The following WWOX variants were observed in gnomAD, a reference collection of about 807,000 sequenced individuals.
The protein encoded by WWOX is WW domain containing oxidoreductase.
Under a neutral mutation model 46.2 loss-of-function variants are expected in WWOX, and 69 were observed. The observed-to-expected ratio is 1.49, with a 90% CI of 1.23 to 1.82. The LOEUF is 1.82. Among genes scored for constraint, WWOX ranks in the 40% most tolerant of loss-of-function variants. The probability of loss-of-function intolerance (pLI) is 0.00; values close to 1 mark genes in which losing one functional copy is unlikely to be tolerated. For synonymous variants in WWOX, 359 were observed against 202.6 expected, an observed-to-expected ratio of 1.77 and a Z score of -6.56; for missense variants, 919 against 542.6, an observed-to-expected ratio of 1.69 and a Z score of -6.89.
chr16:78,832,455 G>A (rs998412019), intron 8 of WWOX, among the ~76,000 whole-genome samples: 1 of 152,160 alleles, frequency 6.6e-6, no homozygotes, highest in Non-Finnish European at 1.5e-5. Context: ...AGTTAGGAGA[G>A]GGGAACCTGG....
At chr16:78,669,720 A>G (rs1470278682) in intron 8 of WWOX, among the ~76,000 whole-genome samples, 1 of 152,218 alleles carries the variant, frequency 6.6e-6, no homozygotes, top group East Asian at 1.9e-4. Flanking sequence ...TCATTGGATA[A>G]TTGCCTTTCA....
chr16:79,128,789 G>A (rs192283385), intron 8 of WWOX, among the ~76,000 whole-genome samples: 25 of 152,266 alleles, frequency 1.6e-4, no homozygotes, highest in Admixed American at 3.9e-4. Context: ...AGCCGGGGGC[G>A]GAGGCTAGGT....
At chr16:79,128,785 G>A (rs999632352) in intron 8 of WWOX, among the ~76,000 whole-genome samples, 2 of 152,182 alleles carry the variant, frequency 1.3e-5, no homozygotes, top group African/African-American at 4.8e-5. Context: ...ACAGAGCCGG[G>A]GGCGGAGGCT....
At chr16:79,040,397 C>T (rs868439837) in intron 8 of WWOX, among the ~76,000 whole-genome samples, 9 of 151,660 alleles carry the variant, frequency 5.9e-5, no homozygotes, top group African/African-American at 2.2e-4. Context: ...GCCTCAGCCT[C>T]ATGAGCAGCT....
intron 8 of WWOX, among the ~76,000 whole-genome samples, chr16:79,189,133 C>T (rs992248444): frequency 6.6e-6 from 1 of 152,146 alleles, no homozygotes. Flanking sequence ...GATGGTATTG[C>T]CCCTGGGACA....
At chr16:78,376,064 G>T (rs1320864153) in intron 5 of WWOX, among the ~76,000 whole-genome samples, 1 of 152,088 alleles carries the variant, frequency 6.6e-6, no homozygotes, top group Non-Finnish European at 1.5e-5. Context: ...TGGCCAGGCT[G>T]TTCTCGAACT....
chr16:79,188,399 G>C (rs2051062773), intron 8 of WWOX, among the ~76,000 whole-genome samples: 1 of 152,110 alleles, frequency 6.6e-6, no homozygotes, highest in African/African-American at 2.4e-5. Context: ...CGGTAACTGT[G>C]TTACTAAAGT....
At chr16:78,890,887 C>T (rs989120402) in intron 8 of WWOX, 1 of 152,200 alleles carries the variant, frequency 6.6e-6, no homozygotes, top group Non-Finnish European at 1.5e-5. Flanking sequence ...TACATTCCTG[C>T]ACCACTTAAT....
intron 8 of WWOX, among the ~76,000 whole-genome samples, chr16:78,744,018 C>T (rs1453007942): frequency 6.6e-6 from 1 of 152,004 alleles, no homozygotes; most frequent in African/African-American, 2.4e-5. Flanking sequence ...GCGTTTTGTC[C>T]AATTCTTTAT....
chr16:79,072,067 G>C (rs2048561686), intron 8 of WWOX, among the ~76,000 whole-genome samples: 1 of 152,256 alleles, frequency 6.6e-6, no homozygotes, highest in South Asian at 2.1e-4. Flanking sequence ...AGGATTGCTT[G>C]AGTCTAGGAG....
chr16:78,397,913 C>T (rs558807219), intron 6 of WWOX, among the ~76,000 whole-genome samples: 3 of 152,280 alleles, frequency 2.0e-5, no homozygotes, highest in South Asian at 4.2e-4. Context: ...CTCGTCCGCT[C>T]AGTTAAGGTA....
intron 8 of WWOX, among the ~76,000 whole-genome samples, chr16:78,644,612 C>T (rs897251563): frequency 2.6e-5 from 4 of 152,102 alleles, no homozygotes; most frequent in African/African-American, 9.7e-5. Flanking sequence ...CAGGAGCCTG[C>T]CACCACGCCT....
chr16:78,598,869 C>G (rs1204767024), intron 8 of WWOX, among the ~76,000 whole-genome samples: 4 of 152,154 alleles, frequency 2.6e-5, no homozygotes, highest in Non-Finnish European at 5.9e-5. Context: ...TGAGCAGCTA[C>G]TCTGCCTGGC....
In WWOX at chr16:78,710,084, A is replaced by G. The variant is rs530340072; in HGVS notation, c.1056+277332A>G. On this transcript the variant is annotated intron_variant, in intron 8 of 8. Coordinates refer to ENST00000566780, the MANE Select transcript of WWOX (RefSeq NM_016373.4). ...CAGGAGCAGTTGTTTATTTTCTGCT[A>G]TTTCGTGTGTTTCTTTTTGCTGGCA... 2.0e-4 allele frequency among the ~76,000 whole-genome samples: 30 copies of G among 151,888 alleles called. No homozygotes were observed. In the South Asian group the frequency reaches 2.9e-3, roughly 15 times the overall value.
intron 5 of WWOX, among the ~76,000 whole-genome samples, chr16:78,228,339 C>CTTT (rs34322106): frequency 1.3e-4 from 14 of 111,304 alleles, no homozygotes; most frequent in East Asian, 2.6e-4. Context: ...CATATTCTCT[C>CTTT]TTTTTTTTTT....
intron 8 of WWOX, among the ~76,000 whole-genome samples, chr16:78,716,336 A>C (rs983448481): frequency 6.6e-6 from 1 of 152,014 alleles, no homozygotes; most frequent in Non-Finnish European, 1.5e-5. Flanking sequence ...CCCTGTTGAC[A>C]CCTTGATTTC....
chr16:78,561,316 T>G (rs1453555638), intron 8 of WWOX, among the ~76,000 whole-genome samples: 1 of 152,180 alleles, frequency 6.6e-6, no homozygotes, highest in African/African-American at 2.4e-5. Context: ...GCTCAGAAAC[T>G]CTCTCATGCA....
intron 8 of WWOX, among the ~76,000 whole-genome samples, chr16:78,460,941 CAG>C (rs1179245755): frequency 2.0e-5 from 3 of 152,038 alleles, no homozygotes; most frequent in African/African-American, 7.2e-5. Context: ...TCAGTAGTGA[CAG>C]GGGTATCAGT....
At chr16:78,367,641 TA>T (rs1415622779) in intron 5 of WWOX, among the ~76,000 whole-genome samples, 2 of 152,170 alleles carry the variant, frequency 1.3e-5, no homozygotes, top group African/African-American at 4.8e-5. Flanking sequence ...GGCTCAGGGA[TA>T]ATTTCCAGGC....
Sources: allele counts gnomAD v4.1 joint callset (sites outside exome capture counted in the v4.1 genomes callset), GRCh38; gene constraint gnomAD v4.1.1; transcripts MANE v1.5; gene names NCBI Gene and HGNC (gene_info 2026-07-23, HGNC 2026-07-21).